TRPM3: variants seen among roughly 807,000 people sequenced by gnomAD.
TRPM3 encodes the protein transient receptor potential cation channel subfamily M member 3.
In TRPM3, 77 loss-of-function variants were observed where a neutral mutation model predicts 181.2. The ratio of observed to expected loss-of-function variants is 0.42; its 90% CI spans 0.35 to 0.51. TRPM3 has a LOEUF of 0.51. TRPM3 is among the 20% of genes least tolerant of loss of function. TRPM3 has a pLI of 0.01. For missense variants in TRPM3, 1,759 were observed against 2,196.7 expected (o/e 0.80, Z 3.98); for synonymous variants, 745 against 796.4 (o/e 0.94, Z 1.09).
At chr9:71,311,751 G>A (rs1056494049) in intron 1 of TRPM3, among the ~76,000 whole-genome samples, 4 of 151,572 alleles carry the variant, frequency 2.6e-5, no homozygotes, top group Non-Finnish European at 4.4e-5. Context: ...ATTGTCTTGG[G>A]CCACATATCA....
intron 1 of TRPM3, among the ~76,000 whole-genome samples, chr9:71,295,139 T>C (rs1324677678): frequency 1.3e-5 from 2 of 152,176 alleles, no homozygotes; most frequent in African/African-American, 4.8e-5. Context: ...CTCATAATAC[T>C]TTTTGCAAAA....
At chr9:70,893,937 T>C (rs1483785690) in intron 1 of TRPM3, among the ~76,000 whole-genome samples, 1 of 152,190 alleles carries the variant, frequency 6.6e-6, no homozygotes, top group African/African-American at 2.4e-5. Flanking sequence ...CACAAATTTC[T>C]TCTACTGGAA....
At chr9:70,989,435 C>G (rs536786162) in intron 1 of TRPM3, among the ~76,000 whole-genome samples, 1 of 152,304 alleles carries the variant, frequency 6.6e-6, no homozygotes, top group East Asian at 1.9e-4. Context: ...ACAGGCTTAG[C>G]TAAACAATCT....
chr9:71,144,630 A>T (rs1254136274), intron 1 of TRPM3, among the ~76,000 whole-genome samples: 1 of 152,172 alleles, frequency 6.6e-6, no homozygotes, highest in Non-Finnish European at 1.5e-5. Context: ...CATTATAATG[A>T]ACATTACTCT....
rs1342932165 is a variant in TRPM3 at position 70,532,942 on chromosome 9, G to T, written c.*3011C>A. The T allele has an allele frequency of 1.3e-5, 2 of 152,148 alleles. No individual in the cohort carries two copies. The highest frequency in any genetic ancestry group is 2.9e-5 in the Non-Finnish European group (2 of 68,040). The allele number at this position is 152,148 out of a possible 1,614,324, so 9.4% of individuals were successfully genotyped here. ...AGAGAACCCAGAAATGGAAGGAAAT[G>T]GACTGAAAAATAACACACATACATG... is the stretch of plus-strand genomic sequence containing the variant. On this transcript the variant is annotated 3_prime_UTR_variant, in exon 26 of 26. Coordinates refer to ENST00000677713, the MANE Select transcript of TRPM3 (RefSeq NM_001366145.2).
chr9:71,118,608 C>A (rs2072943196), intron 1 of TRPM3, among the ~76,000 whole-genome samples: 1 of 152,160 alleles, frequency 6.6e-6, no homozygotes, highest in Non-Finnish European at 1.5e-5. Context: ...AGGACCTACA[C>A]TGCATTTACT....
At chr9:71,445,874 G>A (rs546178302) in intron 1 of TRPM3, among the ~76,000 whole-genome samples, 1 of 152,318 alleles carries the variant, frequency 6.6e-6, no homozygotes, top group Admixed American at 6.5e-5. Context: ...AGCAACAGGA[G>A]GACTTTGCAC....
At chr9:71,302,734 A>G (rs949675257) in intron 1 of TRPM3, among the ~76,000 whole-genome samples, 1 of 151,958 alleles carries the variant, frequency 6.6e-6, no homozygotes, top group African/African-American at 2.4e-5. Context: ...TGAAAGACTC[A>G]GCATAGAGAT....
chr9:71,313,384 T>A (rs890662689), intron 1 of TRPM3, among the ~76,000 whole-genome samples: 4 of 152,166 alleles, frequency 2.6e-5, no homozygotes, highest in African/African-American at 9.7e-5. Flanking sequence ...AATTTCTAGA[T>A]GACCTGTCTG....
At chr9:70,973,061 G>T (rs2097262622) in intron 1 of TRPM3, among the ~76,000 whole-genome samples, 1 of 152,088 alleles carries the variant, frequency 6.6e-6, no homozygotes, top group Non-Finnish European at 1.5e-5. Context: ...GATGAAACAG[G>T]TGAGACAAAA....
In TRPM3 at chr9:70,635,278, A is replaced by C; in HGVS notation, c.1582-17T>G. The C allele has an allele frequency of 6.2e-7, 1 of 1,613,144 alleles. No individual in the cohort carries two copies. Among genetic ancestry groups the C allele is most frequent in the Non-Finnish European group, 8.5e-7 (1 of 1,179,314 alleles). On this transcript the variant is annotated splice_polypyrimidine_tract_variant and intron_variant, in intron 11 of 25. Coordinates refer to ENST00000677713, the MANE Select transcript of TRPM3 (RefSeq NM_001366145.2). ...CCCATGTCTCTGAAAACAATAAAGA[A>C]GAATCAAACAGTTTTGCTAGTCAGG...
intron 8 of TRPM3, among the ~76,000 whole-genome samples, chr9:70,740,376 G>A (rs2073807830): frequency 1.3e-5 from 2 of 152,268 alleles, no homozygotes; most frequent in South Asian, 4.1e-4. Flanking sequence ...AATCAATATT[G>A]TGAAAATGAA....
chr9:70,761,200 A>G (rs2078063247), intron 8 of TRPM3: 1 of 557,614 alleles, frequency 1.8e-6, no homozygotes, highest in Non-Finnish European at 3.2e-6. Flanking sequence ...AACAGCCTGG[A>G]CCCTTTGTCA....
intron 1 of TRPM3, among the ~76,000 whole-genome samples, chr9:71,247,690 G>C (rs1336091826): frequency 6.6e-6 from 1 of 152,118 alleles, no homozygotes; most frequent in Non-Finnish European, 1.5e-5. Flanking sequence ...AGTGATACTA[G>C]GTAATCAGCT....
intron 6 of TRPM3, among the ~76,000 whole-genome samples, chr9:70,788,075 A>T (rs1564292257): frequency 6.8e-6 from 1 of 146,896 alleles, no homozygotes; most frequent in Admixed American, 6.8e-5. Flanking sequence ...GGTTAGTTAC[A>T]TATGTATACA....
intron 1 of TRPM3, among the ~76,000 whole-genome samples, chr9:71,080,603 A>G (rs1277361491): frequency 6.6e-6 from 1 of 152,136 alleles, no homozygotes; most frequent in Non-Finnish European, 1.5e-5. Context: ...CTTATCTCCC[A>G]CTGCCTCCTT....
intron 1 of TRPM3, among the ~76,000 whole-genome samples, chr9:70,995,422 C>T (rs1451036768): frequency 6.6e-6 from 1 of 152,120 alleles, no homozygotes; most frequent in East Asian, 1.9e-4. Context: ...TAGGTGATTA[C>T]TTTTAAAAAA....
chr9:71,043,994 C>A (rs890152955), intron 1 of TRPM3, among the ~76,000 whole-genome samples: 5 of 152,160 alleles, frequency 3.3e-5, no homozygotes, highest in Non-Finnish European at 7.3e-5. Flanking sequence ...ACTACCCCAA[C>A]TGATTCTCTT....
At chr9:70,645,742 CA>C (rs141101888) in intron 9 of TRPM3, among the ~76,000 whole-genome samples, 68,898 of 148,380 alleles carry the variant, frequency 0.46, 17,319 homozygotes, top group Non-Finnish European at 0.57. Context: ...TTCTTCACAG[CA>C]AAAAAAAAAA....
Sources: allele counts gnomAD v4.1 joint callset (sites outside exome capture counted in the v4.1 genomes callset), GRCh38; gene constraint gnomAD v4.1.1; transcripts MANE v1.5; gene names NCBI Gene and HGNC (gene_info 2026-07-23, HGNC 2026-07-21).